The following CNOT11 variants were observed in gnomAD, a reference collection of about 807,000 sequenced individuals.
CNOT11 encodes CCR4-NOT transcription complex subunit 11.
Under a neutral mutation model 44.6 loss-of-function variants are expected in CNOT11, and 18 were observed. The observed-to-expected ratio is 0.40, with a 90% CI of 0.28 to 0.60. CNOT11 has a LOEUF of 0.60. Among genes scored for constraint, CNOT11 ranks in the 20% least tolerant of loss-of-function variants. CNOT11 has a pLI of 0.38. For missense variants in CNOT11, 513 were observed against 677.0 expected, an observed-to-expected ratio of 0.76 and a Z score of 2.69; for synonymous variants, 291 against 270.9, an observed-to-expected ratio of 1.07 and a Z score of -0.73.
rs139075160 is a variant in CNOT11 at position 101,262,396 on chromosome 2, C to T, written c.680-143C>T. 4.6e-3 allele frequency: 3,162 copies of T among 681,904 alleles called. 49 individuals carry two copies. Among genetic ancestry groups the T allele is most frequent in the Middle Eastern group, 0.031 (120 of 3,920 alleles). 42.2% of individuals were successfully genotyped at this position (681,904 alleles called of 1,614,324 possible). A position where few individuals can be genotyped will look rare whatever the true frequency, so the allele number is the denominator to read the frequency against. ...CAACGCTAAGTGAGGACCTGCTATA[C>T]GTACAGACATACACACATTTTCTCT... On this transcript the variant is annotated intron_variant, in intron 2 of 6. Coordinates refer to ENST00000289382, the MANE Select transcript of CNOT11 (RefSeq NM_017546.5).
At position 101,257,164 on chromosome 2, in the gene CNOT11, G is replaced by T. The variant is rs113970418; in HGVS notation, c.515-627G>T. Among the ~76,000 whole-genome samples, 729 of 152,078 alleles carry T rather than the reference G, an allele frequency of 4.8e-3. 10 individuals are homozygous for T. The highest frequency in any genetic ancestry group is 0.017 in the African/African-American group (688 of 41,504). On this transcript the variant is annotated intron_variant, in intron 1 of 6. Coordinates refer to ENST00000289382, the MANE Select transcript of CNOT11 (RefSeq NM_017546.5). ...TCCCAGCACTTTGGGAGGCTGAGGC[G>T]AGTGGATCACCTGAGGTCAGGAGTT...
In CNOT11 at chr2:101,253,602, C is replaced by T; in HGVS notation, c.514+124C>T. On this transcript the variant is annotated intron_variant, in intron 1 of 6. Coordinates refer to ENST00000289382, the MANE Select transcript of CNOT11 (RefSeq NM_017546.5). This position sits in a 1 kb window ranked among gnomAD's most constrained non-coding sequence, Gnocchi z 4.3. ...CCTGTGAAATGATCATCCTCTTTTT[C>T]CGCCTCTCTCTGCGTTCCCACGCCC... is the stretch of plus-strand genomic sequence containing the variant. 1 of 955,670 alleles carries T rather than the reference C, an allele frequency of 1.0e-6. No individual in the cohort carries two copies. 59.2% of individuals were successfully genotyped at this position (955,670 alleles called of 1,614,324 possible). A position where few individuals can be genotyped will look rare whatever the true frequency, so the allele number is the denominator to read the frequency against.
At chr2:101,260,068 A>G (rs958704308) in intron 2 of CNOT11, among the ~76,000 whole-genome samples, 2 of 152,174 alleles carry the variant, frequency 1.3e-5, no homozygotes, top group Non-Finnish European at 2.9e-5. Flanking sequence ...GACAAGAACA[A>G]TGTAACAATG....
chr2:101,268,850 A>G (rs1463195214), intron 5 of CNOT11, among the ~76,000 whole-genome samples, 190 bp from the exon 6 acceptor site: 1 of 152,236 alleles, frequency 6.6e-6, no homozygotes, highest in East Asian at 1.9e-4. Flanking sequence ...AGACATTTTA[A>G]ACAGTGTTAT....
At chr2:101,266,052 CG>C (rs750437036) in intron 4 of CNOT11, among the ~76,000 whole-genome samples, 10 of 151,982 alleles carry the variant, frequency 6.6e-5, no homozygotes, top group East Asian at 3.9e-4. Context: ...ATTAAGTAGA[CG>C]GGGGAAAAAA....
In CNOT11 at chr2:101,266,657, T is replaced by C; in HGVS notation, c.1036-20T>C. On this transcript the variant is annotated intron_variant, in intron 4 of 6. Transcript: ENST00000289382. ...CTTTCTCTCTCCCTCTCTCTCTCTT[T>C]AAAAATCTGGTGTATTTAGCTACTT... 1 of 1,592,658 alleles carries C rather than the reference T, an allele frequency of 6.3e-7. No individual in the cohort carries two copies. The highest frequency in any genetic ancestry group is 8.6e-7 in the Non-Finnish European group (1 of 1,163,960).
At chr2:101,262,427 T>C in intron 2 of CNOT11, 112 bp from the exon 3 acceptor site, 1 of 919,886 alleles carries the variant, frequency 1.1e-6, no homozygotes, top group South Asian at 1.6e-5. Flanking sequence ...TCTCTCTCTC[T>C]CTGAATCTGG....
At chr2:101,258,061 A>G in intron 2 of CNOT11, 106 bp downstream of exon 2, 1 of 1,163,128 alleles carries the variant, frequency 8.6e-7, no homozygotes, top group East Asian at 2.4e-5. Flanking sequence ...AAAGGTTAGT[A>G]TCATCCATTT....
rs1682073079 is a variant in CNOT11 at position 101,269,940 on chromosome 2, C to T, written c.*527C>T. ...CACACAGCTCTTAACTCCTGATGAA[C>T]CAAGGATTTACTCATAACTTTCTCC... On this transcript the variant is annotated 3_prime_UTR_variant, in exon 7 of 7. Transcript: ENST00000289382. This position sits in a 1 kb window ranked among gnomAD's most constrained non-coding sequence, Gnocchi z 4.8. 6.6e-6 allele frequency: 1 copy of T among 152,286 alleles called. No homozygotes were observed. Among genetic ancestry groups the T allele is most frequent in the African/African-American group, 2.4e-5 (1 of 41,442 alleles). The allele number at this position is 152,286 out of a possible 1,614,324, so 9.4% of individuals were successfully genotyped here. A position where few individuals can be genotyped will look rare whatever the true frequency, so the allele number is the denominator to read the frequency against.
chr2:101,255,357 C>T (rs1335481263), intron 1 of CNOT11, among the ~76,000 whole-genome samples: 1 of 151,944 alleles, frequency 6.6e-6, no homozygotes, highest in African/African-American at 2.4e-5. Flanking sequence ...TAGCCGGGCG[C>T]GGTGGCGGGC....
chr2:101,259,949 T>G (rs1241779409), intron 2 of CNOT11, among the ~76,000 whole-genome samples: 1 of 152,108 alleles, frequency 6.6e-6, no homozygotes, highest in Non-Finnish European at 1.5e-5. Flanking sequence ...CCCAGGAGGC[T>G]GACATAAGAG....
intron 3 of CNOT11, 67 bp from the exon 4 acceptor site, chr2:101,264,778 G>A: frequency 8.1e-7 from 1 of 1,237,320 alleles, no homozygotes; most frequent in Non-Finnish European, 1.2e-6. Context: ...TTTATTAAGT[G>A]AAATGTGTGA....
In CNOT11 at chr2:101,269,329, G is replaced by T; in HGVS notation, c.1449G>T (p.Arg483Ser). The change falls in exon 7 of 7, where the codon AGG becomes AGT. Residue 483 changes from arginine to serine, a missense_variant. Arg to Ser is a moderately radical substitution (Grantham distance 110). This residue lies in a region of CNOT11 where 87 missense variants were observed against 185.4 expected (regional missense o/e 0.47). Transcript: ENST00000289382. The surrounding 1 kb of genome is among the most constrained non-coding windows in gnomAD (Gnocchi z 4.8). Reference protein sequence around the residue: ...EVQAFCIEFSRIREAAGLFRL... With the variant: ...EVQAFCIEFSSIREAAGLFRL... ...AGGCATTCTGTATTGAATTCAGTAG[G>T]ATACGAGAAGCTGCTGGTCTTTTCC... 6.2e-7 allele frequency: 1 copy of T among 1,613,994 alleles called. No individual in the cohort carries two copies. The highest frequency in any genetic ancestry group is 8.5e-7 in the Non-Finnish European group (1 of 1,179,976).
intron 1 of CNOT11, among the ~76,000 whole-genome samples, chr2:101,256,309 G>A (rs1681735593): frequency 1.3e-5 from 2 of 152,164 alleles, no homozygotes; most frequent in South Asian, 2.1e-4. Context: ...CACAGGTTAA[G>A]TAATGTGATC....
intron 2 of CNOT11, among the ~76,000 whole-genome samples, chr2:101,259,463 GCT>G (rs1681803639): frequency 1.3e-5 from 2 of 152,282 alleles, no homozygotes; most frequent in African/African-American, 4.8e-5. Context: ...TCAGAGAGAG[GCT>G]CTCTGAGTTC....
At chr2:101,263,314 T>C (rs1435449417) in intron 3 of CNOT11, among the ~76,000 whole-genome samples, 1 of 152,236 alleles carries the variant, frequency 6.6e-6, no homozygotes, top group African/African-American at 2.4e-5. Flanking sequence ...TTCTTATTGC[T>C]ATCATTTCCT....
chr2:101,254,879 C>G (rs1369389987), intron 1 of CNOT11, among the ~76,000 whole-genome samples: 3 of 152,068 alleles, frequency 2.0e-5, no homozygotes, highest in Admixed American at 6.5e-5. Context: ...CACACACACA[C>G]AGACAACCAC....
rs139489374 is a variant in CNOT11, at chr2:101,255,524, C to T, written c.514+2046C>T. Among the ~76,000 whole-genome samples the T allele has an allele frequency of 6.7e-3, 1,011 of 151,842 alleles. 9 individuals carry two copies. The highest frequency in any genetic ancestry group is 0.023 in the African/African-American group (945 of 41,402). ...AAAAAAAAAGTACCTGTGAGTGTTA[C>T]CCACTATTATACCATTATTAAAGTA... On this transcript the variant is annotated intron_variant, in intron 1 of 6. Transcript: ENST00000289382.
intron 1 of CNOT11, among the ~76,000 whole-genome samples, chr2:101,256,656 CAG>C (rs1186125978): frequency 3.9e-5 from 6 of 152,206 alleles, no homozygotes; most frequent in Non-Finnish European, 7.3e-5. Flanking sequence ...ACAGTGGAAA[CAG>C]AGAAGAAAGA....
Sources: allele counts gnomAD v4.1 joint callset (sites outside exome capture counted in the v4.1 genomes callset), GRCh38; gene constraint gnomAD v4.1.1; regional missense constraint gnomAD v4.1.1; non-coding constraint Gnocchi (gnomAD v3.1); transcripts MANE v1.5; gene names NCBI Gene and HGNC (gene_info 2026-07-23, HGNC 2026-07-21).